PICALM: variants seen among roughly 807,000 people sequenced by gnomAD.
The protein encoded by PICALM is phosphatidylinositol binding clathrin assembly protein.
Under a neutral mutation model 80.5 loss-of-function variants are expected in PICALM, and 40 were observed. The ratio of observed to expected loss-of-function variants is 0.50; its 90% CI spans 0.39 to 0.65. The LOEUF (loss-of-function observed/expected upper bound fraction) is 0.65, where lower values mean the gene tolerates loss of function less well. PICALM is among the 30% of genes least tolerant of loss of function. The pLI, the probability that PICALM is intolerant of heterozygous loss-of-function variation, is 0.00. For missense variants in PICALM, 676 were observed against 778.9 expected (o/e 0.87, Z 1.57); for synonymous variants, 288 against 260.3 (o/e 1.11, Z -1.02).
chr11:86,008,559 G>A (rs1314567661), intron 7 of PICALM, among the ~76,000 whole-genome samples: 24 of 151,934 alleles, frequency 1.6e-4, no homozygotes, highest in Admixed American at 1.5e-3. Context: ...GGTAGAGGGT[G>A]CAGTGAGCAG....
chr11:85,989,087 G>GATAA (rs1217018246), intron 13 of PICALM, among the ~76,000 whole-genome samples: 1 of 152,166 alleles, frequency 6.6e-6, no homozygotes, highest in African/African-American at 2.4e-5. Flanking sequence ...CATTGTATCA[G>GATAA]ATAAATGTCT....
Position 86,068,840 on chromosome 11 carries a change from G to A in PICALM, c.-60C>T, listed in dbSNP as rs1362682542. Reference sequence around the variant, plus strand: ...AGCCGGCGGGGACTGGGACCCCCAAGAGCCGGAGGGTCCCCACCCCCCACC... The same window carrying A: ...AGCCGGCGGGGACTGGGACCCCCAAAAGCCGGAGGGTCCCCACCCCCCACC... On this transcript the variant is annotated 5_prime_UTR_variant, in exon 1 of 20. Coordinates refer to ENST00000393346, the MANE Select transcript of PICALM (RefSeq NM_007166.4). The A allele has an allele frequency of 1.3e-6, 2 of 1,517,206 alleles. No individual in the cohort carries two copies. Among genetic ancestry groups the A allele is most frequent in the Non-Finnish European group, 1.8e-6 (2 of 1,135,334 alleles). 94.0% of individuals were successfully genotyped at this position (1,517,206 alleles called of 1,614,324 possible). A position where few individuals can be genotyped will look rare whatever the true frequency, so the allele number is the denominator to read the frequency against.
Position 86,068,865 on chromosome 11 carries a change from C to G in PICALM, c.-85G>C. 1 of 1,464,190 alleles carries G rather than the reference C, an allele frequency of 6.8e-7. No individual in the cohort carries two copies. The highest frequency in any genetic ancestry group is 9.0e-7 in the Non-Finnish European group (1 of 1,107,942). 90.7% of individuals were successfully genotyped at this position (1,464,190 alleles called of 1,614,324 possible). On this transcript the variant is annotated 5_prime_UTR_variant, in exon 1 of 20. Transcript: ENST00000393346. ...GAGCCGGAGGGTCCCCACCCCCCAC[C>G]GCACCCCCTACCCCCACCGGCTCCT...
intron 6 of PICALM, 30 bp downstream of exon 6, chr11:86,012,251 G>T: frequency 1.6e-6 from 2 of 1,221,474 alleles, no homozygotes; most frequent in South Asian, 1.3e-5. Flanking sequence ...CACAAGATAA[G>T]AAATGTTATT....
At chr11:85,975,792 T>G (rs956670281) in intron 18 of PICALM, among the ~76,000 whole-genome samples, 1 of 152,036 alleles carries the variant, frequency 6.6e-6, no homozygotes, top group African/African-American at 2.4e-5. Flanking sequence ...AGACGGAGTT[T>G]CACCATATTG....
chr11:86,032,454 C>T (rs1213349774), intron 1 of PICALM, among the ~76,000 whole-genome samples: 3 of 152,190 alleles, frequency 2.0e-5, no homozygotes, highest in African/African-American at 7.2e-5. Flanking sequence ...GAAACCCCAT[C>T]TTTACTAATA....
At chr11:85,984,715 T>G (rs1480536458) in intron 13 of PICALM, among the ~76,000 whole-genome samples, 2 of 152,192 alleles carry the variant, frequency 1.3e-5, no homozygotes, top group Non-Finnish European at 2.9e-5. Context: ...TATTCTTTCT[T>G]GCCTGCGTTA....
At chr11:86,039,725 G>T (rs1446967047) in intron 1 of PICALM, among the ~76,000 whole-genome samples, 1 of 152,094 alleles carries the variant, frequency 6.6e-6, no homozygotes, top group African/African-American at 2.4e-5. Context: ...ATTGTGTTGG[G>T]TGTCTTCAGA....
chr11:86,057,380 A>G (rs2096285387), intron 1 of PICALM, among the ~76,000 whole-genome samples: 1 of 152,086 alleles, frequency 6.6e-6, no homozygotes, highest in Non-Finnish European at 1.5e-5. Flanking sequence ...CTCTACTAAA[A>G]ATACAAAAAT....
At chr11:85,996,776 G>A (rs764818457) in intron 12 of PICALM, 50 bp downstream of exon 12, 2 of 1,022,226 alleles carry the variant, frequency 2.0e-6, no homozygotes, top group Middle Eastern at 2.0e-4. Context: ...ACCACAGAAT[G>A]AGGAGGAGAG....
chr11:86,038,276 C>T (rs1394995523), intron 1 of PICALM, among the ~76,000 whole-genome samples: 1 of 151,980 alleles, frequency 6.6e-6, no homozygotes, highest in African/African-American at 2.4e-5. Flanking sequence ...GCTGAGATCA[C>T]AGCCATAGCA....
At chr11:85,992,321 G>C (rs2094808707) in intron 12 of PICALM, among the ~76,000 whole-genome samples, 1 of 149,764 alleles carries the variant, frequency 6.7e-6, no homozygotes, top group African/African-American at 2.5e-5. Context: ...AACTCGCTGT[G>C]TTGTCTAGGC....
At chr11:85,964,990 G>T (rs1265795154) in intron 19 of PICALM, among the ~76,000 whole-genome samples, 1 of 152,110 alleles carries the variant, frequency 6.6e-6, no homozygotes, top group East Asian at 1.9e-4. Flanking sequence ...TATTGCTGTA[G>T]AAATATATGA....
intron 17 of PICALM, among the ~76,000 whole-genome samples, chr11:85,979,035 T>C (rs1430193913): frequency 6.6e-6 from 1 of 152,146 alleles, no homozygotes; most frequent in East Asian, 1.9e-4. Context: ...GGATTTCAAC[T>C]TAAATCTGCT....
intron 18 of PICALM, among the ~76,000 whole-genome samples, chr11:85,975,496 TCTTTC>T (rs528312184): frequency 2.8e-4 from 43 of 152,138 alleles, no homozygotes; most frequent in Non-Finnish European, 5.4e-4. Context: ...TGCTCTAAAA[TCTTTC>T]CTTTCAAGAA....
rs190898852 is a variant in PICALM, at chr11:86,006,894, T to C, written c.807+648A>G. On this transcript the variant is annotated intron_variant, in intron 8 of 19. Transcript: ENST00000393346. ...ATTAAAATAGCAAACATTAGTTGAG[T>C]GTGTTTAATGCTCTAATTTTTTTTT... Among the ~76,000 whole-genome samples the C allele has an allele frequency of 2.2e-3, 340 of 152,294 alleles. 1 individual carries two copies. Among genetic ancestry groups the C allele is most frequent in the African/African-American group, 7.8e-3 (323 of 41,560 alleles).
intron 8 of PICALM, among the ~76,000 whole-genome samples, chr11:86,005,269 T>A (rs1214861253): frequency 1.3e-5 from 2 of 152,236 alleles, no homozygotes; most frequent in East Asian, 3.8e-4. Flanking sequence ...CTGTAGTTTA[T>A]CTTTTTTCTG....
intron 1 of PICALM, among the ~76,000 whole-genome samples, chr11:86,042,254 C>T (rs984561119): frequency 1.3e-5 from 2 of 152,056 alleles, no homozygotes; most frequent in African/African-American, 4.8e-5. Context: ...ATAAGGATTA[C>T]TGTAAGGGAT....
chr11:85,982,204 T>C, intron 14 of PICALM: 1 of 528,396 alleles, frequency 1.9e-6, no homozygotes, highest in Non-Finnish European at 3.4e-6. Flanking sequence ...GTATTTGCTT[T>C]GACAGAAATC....
Sources: allele counts gnomAD v4.1 joint callset (sites outside exome capture counted in the v4.1 genomes callset), GRCh38; gene constraint gnomAD v4.1.1; transcripts MANE v1.5; gene names NCBI Gene and HGNC (gene_info 2026-07-23, HGNC 2026-07-21).